RBFOX1: variants seen among roughly 807,000 people sequenced by gnomAD.
The protein encoded by RBFOX1 is RNA binding fox-1 homolog 1.
A neutral mutation model predicts 57.7 loss-of-function variants in RBFOX1; 8 were observed. The ratio of observed to expected loss-of-function variants is 0.14; its 90% CI spans 0.08 to 0.25. The LOEUF is 0.25. RBFOX1 is among the 10% of genes least tolerant of loss of function. The probability of loss-of-function intolerance (pLI) is 1.00; values close to 1 mark genes in which losing one functional copy is unlikely to be tolerated. For synonymous variants in RBFOX1, 326 were observed against 222.4 expected (o/e 1.47, Z -4.15); for missense variants, 611 against 548.5 (o/e 1.11, Z -1.14).
intron 1 of RBFOX1, among the ~76,000 whole-genome samples, chr16:5,425,231 G>C (rs2151497735): frequency 6.6e-6 from 1 of 151,904 alleles, no homozygotes; most frequent in South Asian, 2.1e-4. Flanking sequence ...TCAGCCTCCT[G>C]AGTAGCTGGG....
chr16:6,039,533 C>A (rs1294669187), intron 1 of RBFOX1, among the ~76,000 whole-genome samples: 2 of 152,032 alleles, frequency 1.3e-5, no homozygotes, highest in African/African-American at 4.8e-5. Context: ...TTTCCCCTCT[C>A]ATTTAAAGCA....
chr16:5,522,847 C>A (rs1367839170), intron 2 of RBFOX1, among the ~76,000 whole-genome samples: 1 of 152,186 alleles, frequency 6.6e-6, no homozygotes, highest in Non-Finnish European at 1.5e-5. Flanking sequence ...CCAGTTCTAT[C>A]CCAACTGCTA....
intron 4 of RBFOX1, among the ~76,000 whole-genome samples, chr16:7,291,652 T>C (rs141627408): frequency 6.6e-6 from 1 of 151,846 alleles, no homozygotes; most frequent in Admixed American, 6.6e-5. Flanking sequence ...TTTGGGGGAA[T>C]GTTAAAATAG....
At chr16:5,312,427 T>C (rs2064116298) in intron 1 of RBFOX1, among the ~76,000 whole-genome samples, 1 of 152,250 alleles carries the variant, frequency 6.6e-6, no homozygotes, top group East Asian at 1.9e-4. Flanking sequence ...CAAGTGATTC[T>C]CCTGCCTCAG....
intron 3 of RBFOX1, among the ~76,000 whole-genome samples, chr16:5,696,868 G>A (rs541378109): frequency 2.8e-4 from 43 of 151,818 alleles, no homozygotes; most frequent in Admixed American, 2.0e-4. Flanking sequence ...TATCTTCTCT[G>A]TTTCTTTCTG....
At chr16:6,684,508 A>G (rs1203556885) in intron 3 of RBFOX1, among the ~76,000 whole-genome samples, 1 of 152,210 alleles carries the variant, frequency 6.6e-6, no homozygotes, top group Non-Finnish European at 1.5e-5. Context: ...AGCTTGTGCC[A>G]TCTTAGAAAT....
At chr16:7,115,121 A>G (rs1446305144) in intron 4 of RBFOX1, among the ~76,000 whole-genome samples, 1 of 152,372 alleles carries the variant, frequency 6.6e-6, no homozygotes, top group East Asian at 1.9e-4. Flanking sequence ...TCCTTCGATT[A>G]AGTTTCCAAC....
chr16:6,330,794 A>G (rs2082928840), intron 2 of RBFOX1, among the ~76,000 whole-genome samples: 1 of 152,234 alleles, frequency 6.6e-6, no homozygotes, highest in Non-Finnish European at 1.5e-5. Flanking sequence ...TGTGATAAGA[A>G]TGTATGCAGT....
chr16:6,882,639 C>A (rs988543559), intron 3 of RBFOX1, among the ~76,000 whole-genome samples: 1 of 152,004 alleles, frequency 6.6e-6, no homozygotes, highest in African/African-American at 2.4e-5. Flanking sequence ...TTGCAGAGTC[C>A]TCAGTGCAGT....
At chr16:6,564,522 G>C (rs368715651) in intron 2 of RBFOX1, among the ~76,000 whole-genome samples, 2 of 152,022 alleles carry the variant, frequency 1.3e-5, no homozygotes, top group Non-Finnish European at 2.9e-5. Context: ...GGGGGACACC[G>C]TGCTAAGTGA....
intron 4 of RBFOX1, among the ~76,000 whole-genome samples, chr16:7,080,742 C>A (rs188714160): frequency 1.3e-5 from 2 of 152,108 alleles, no homozygotes; most frequent in African/African-American, 4.8e-5. Context: ...AATAGTTCAA[C>A]CCTCTCCATC....
chr16:7,033,771 C>A (rs1303353326), intron 3 of RBFOX1, among the ~76,000 whole-genome samples: 1 of 152,044 alleles, frequency 6.6e-6, no homozygotes, highest in African/African-American at 2.4e-5. Context: ...AGCTGGGGAC[C>A]AGCCTGAGTA....
At chr16:6,799,845 C>G (rs2084951893) in intron 3 of RBFOX1, among the ~76,000 whole-genome samples, 1 of 152,148 alleles carries the variant, frequency 6.6e-6, no homozygotes, top group Non-Finnish European at 1.5e-5. Context: ...GCTGCGCTGT[C>G]AGCTTCCCTG....
At chr16:6,475,151 A>G (rs2095253408) in intron 2 of RBFOX1, among the ~76,000 whole-genome samples, 1 of 152,172 alleles carries the variant, frequency 6.6e-6, no homozygotes, top group African/African-American at 2.4e-5. Context: ...TGGGTGGTGA[A>G]ATAATGTTAG....
intron 3 of RBFOX1, among the ~76,000 whole-genome samples, chr16:5,827,873 C>G (rs374014496): frequency 1.2e-5 from 1 of 83,190 alleles, no homozygotes; most frequent in Middle Eastern, 4.8e-3. Flanking sequence ...AGGCTTTTGT[C>G]CATCCATCCA....
At chr16:6,263,987 T>G (rs1379871712) in intron 1 of RBFOX1, among the ~76,000 whole-genome samples, 1 of 152,208 alleles carries the variant, frequency 6.6e-6, no homozygotes, top group Non-Finnish European at 1.5e-5. Flanking sequence ...TAAAACATTT[T>G]TTTTTAAGGA....
chr16:6,989,375 C>G (rs1053020063), intron 3 of RBFOX1, among the ~76,000 whole-genome samples: 5 of 152,130 alleles, frequency 3.3e-5, no homozygotes, highest in African/African-American at 1.2e-4. Context: ...TTTTATTAAA[C>G]AGCATTATAT....
chr16:6,061,594 T>A (rs2152460012), intron 1 of RBFOX1, among the ~76,000 whole-genome samples: 1 of 151,880 alleles, frequency 6.6e-6, no homozygotes, highest in East Asian at 1.9e-4. Context: ...CTATATTTAC[T>A]ATAATAAAAT....
In RBFOX1 at chr16:6,097,365, C is replaced by T. The variant is rs1013803168; in HGVS notation, c.-127+77373C>T. On this transcript the variant is annotated intron_variant, in intron 1 of 15. Transcript: ENST00000550418. This position sits in a 1 kb window ranked among gnomAD's most constrained non-coding sequence, Gnocchi z 5.0. ...GGGTGGATATTAAAATTTTGCAAGC[C>T]GCCACTCTAGAGAAGTACCACTCAA... Among the ~76,000 whole-genome samples the T allele has an allele frequency of 2.5e-4, 38 of 152,032 alleles. 1 individual carries two copies. Among genetic ancestry groups the T allele is most frequent in the African/African-American group, 4.1e-4 (17 of 41,390 alleles).
Sources: gnomAD v4.1 joint callset for allele counts (sites outside exome capture counted in the v4.1 genomes callset) on GRCh38, gnomAD v4.1.1 for gene constraint, Gnocchi (gnomAD v3.1) non-coding constraint, MANE v1.5 for transcripts, NCBI Gene and HGNC (gene_info 2026-07-23, HGNC 2026-07-21) for gene names.